The following VWA2 variants were observed in gnomAD, a reference collection of about 807,000 sequenced individuals.
VWA2 encodes the protein von Willebrand factor A domain-containing protein 2.
A neutral mutation model predicts 70.4 loss-of-function variants in VWA2; 73 were observed. The observed-to-expected ratio is 1.04, with a 90% CI of 0.86 to 1.26. The LOEUF (loss-of-function observed/expected upper bound fraction) is 1.26, where lower values mean the gene tolerates loss of function less well. VWA2 is among the 50% of genes most tolerant of loss of function. VWA2 has a pLI of 0.00. For synonymous variants in VWA2, 407 were observed against 423.3 expected, an observed-to-expected ratio of 0.96 and a Z score of 0.47; for missense variants, 1,011 against 998.5, an observed-to-expected ratio of 1.01 and a Z score of -0.17.
chr10:114,278,930 G>A, intron 8 of VWA2, 79 bp downstream of exon 8: 3 of 1,581,738 alleles, frequency 1.9e-6, no homozygotes, highest in Non-Finnish European at 2.6e-6. Flanking sequence ...ATAGTACTTT[G>A]GGGCCCTGCC....
intron 2 of VWA2, 136 bp from the exon 3 acceptor site, chr10:114,253,515 G>T: frequency 1.4e-6 from 1 of 726,368 alleles, no homozygotes; most frequent in South Asian, 1.8e-5. Flanking sequence ...GGTAATTTTT[G>T]AGATGCAAGA....
chr10:114,253,769 C>T (rs2037259465), intron 3 of VWA2, 44 bp downstream of exon 3: 20 of 1,541,872 alleles, frequency 1.3e-5, no homozygotes, highest in Non-Finnish European at 1.7e-5. Flanking sequence ...CCACTCAGAC[C>T]TCTGTGTGAT....
At chr10:114,288,905 C>T (rs1261391238) in intron 11 of VWA2, 33 bp from the exon 12 acceptor site, 17 of 1,571,372 alleles carry the variant, frequency 1.1e-5, no homozygotes, top group African/African-American at 4.0e-5. Flanking sequence ...ACTGGCACAT[C>T]CACTGCTGAA....
chr10:114,266,487 A>G (rs1157657510), intron 5 of VWA2, among the ~76,000 whole-genome samples: 2 of 152,178 alleles, frequency 1.3e-5, no homozygotes, highest in African/African-American at 2.4e-5. Flanking sequence ...AACCCAGGAC[A>G]CTTGCCTTTC....
chr10:114,276,771 G>A (rs940370855), intron 6 of VWA2, among the ~76,000 whole-genome samples: 2 of 147,572 alleles, frequency 1.4e-5, no homozygotes, highest in Admixed American at 1.4e-4. Flanking sequence ...CTCCCGCCTC[G>A]GCCTCCCAAA....
intron 8 of VWA2, among the ~76,000 whole-genome samples, chr10:114,279,592 A>G (rs528768600): frequency 3.9e-4 from 60 of 152,334 alleles, no homozygotes; most frequent in African/African-American, 1.3e-3. Flanking sequence ...TTCTCTGGGA[A>G]AGGCCAGCCC....
intron 13 of VWA2, 37 bp downstream of exon 13, chr10:114,290,402 G>C (rs2039460108): frequency 6.5e-7 from 1 of 1,547,952 alleles, no homozygotes; most frequent in Non-Finnish European, 8.7e-7. Context: ...GTGAGCCAGG[G>C]ATGGTATTGC....
rs2133776596 is a variant in VWA2 at position 114,292,956 on chromosome 10, CT to C, written c.*1721del. Among the ~76,000 whole-genome samples the C allele has an allele frequency of 6.6e-6, 1 of 152,328 alleles. No individual in the cohort carries two copies. Among genetic ancestry groups the C allele is most frequent in the Admixed American group, 6.5e-5 (1 of 15,308 alleles). ...TTCTGACCTCAGGTGATCCCCCTGC[CT>C]TGGCCTCCCAAAGTTCTGGGATTAC... On this transcript the variant is annotated 3_prime_UTR_variant, in exon 14 of 14. Coordinates refer to ENST00000392982, the MANE Select transcript of VWA2 (RefSeq NM_001272046.2).
Position 114,284,876 on chromosome 10 carries a change from G to C in VWA2, c.903G>C (p.Ser301=), listed in dbSNP as rs747532257. The C allele has an allele frequency of 5.0e-6, 8 of 1,608,136 alleles. No individual in the cohort carries two copies. Among genetic ancestry groups the C allele is most frequent in the Non-Finnish European group, 1.7e-6 (2 of 1,177,906 alleles). The change falls in exon 10 of 14, where the codon TCG becomes TCC. Residue 301 remains serine, a synonymous_variant. Coordinates refer to ENST00000392982, the MANE Select transcript of VWA2 (RefSeq NM_001272046.2). The part of the protein sequence containing the change: ...YRTTCPGPCD[S]QPCQNGGTCV... ...TCTCTCTGATAGGCCCCTGTGACTC[G>C]CAGCCCTGCCAGAATGGAGGCACAT...
rs770616702 is a variant in VWA2, at chr10:114,261,166, C to T, written c.262-20C>T. ...TTGACTCCAGTCTCGGGGCCCTGAG[C>T]CCCCTGTCTCCTACTGCAGGTCAGA... On this transcript the variant is annotated intron_variant, in intron 4 of 13. Coordinates refer to ENST00000392982, the MANE Select transcript of VWA2 (RefSeq NM_001272046.2). 13 of 1,578,828 alleles carry T rather than the reference C, an allele frequency of 8.2e-6. No homozygotes were observed. The South Asian group carries it at 1.3e-4, about 16-fold the overall frequency.
intron 1 of VWA2, chr10:114,246,446 A>C (rs2037070625): frequency 1.6e-6 from 1 of 619,280 alleles, no homozygotes; most frequent in African/African-American, 1.9e-5. Context: ...GGTAGCAGTG[A>C]GCCAAGACCA....
intron 2 of VWA2, among the ~76,000 whole-genome samples, chr10:114,249,537 T>A (rs1226280000): frequency 6.6e-6 from 1 of 152,226 alleles, no homozygotes; most frequent in Non-Finnish European, 1.5e-5. Flanking sequence ...ATTACAGGCA[T>A]GAGCCACTGC....
rs780772979 is a variant in VWA2 at position 114,282,501 on chromosome 10, T to G, written c.834-15T>G. 6.2e-7 allele frequency: 1 copy of G among 1,612,656 alleles called. No homozygotes were observed. Among genetic ancestry groups the G allele is most frequent in the South Asian group, 1.1e-5 (1 of 91,062 alleles). Reference sequence around the variant, plus strand: ...ACCTCTGATCTGTCTATAATTCTGTTTCCTTGGATTGTAGCTGGAAGAGAG... The same window carrying G: ...ACCTCTGATCTGTCTATAATTCTGTGTCCTTGGATTGTAGCTGGAAGAGAG... On this transcript the variant is annotated splice_polypyrimidine_tract_variant and intron_variant, in intron 8 of 13. Coordinates refer to ENST00000392982, the MANE Select transcript of VWA2 (RefSeq NM_001272046.2).
chr10:114,269,095 T>C (rs561720884), intron 5 of VWA2, among the ~76,000 whole-genome samples: 1 of 152,310 alleles, frequency 6.6e-6, no homozygotes, highest in Admixed American at 6.5e-5. Flanking sequence ...GCAGACAGTT[T>C]TCTTGTGGTA....
chr10:114,286,214 G>A lies in VWA2; in HGVS notation c.1273G>A (p.Ala425Thr), dbSNP rs1320197933. Reference protein sequence around the residue: ...FRGGPTLTGSALRQAAERGFG... With the variant: ...FRGGPTLTGSTLRQAAERGFG... ...TGGTGGCCCCACCCTGACGGGCAGT[G>A]CCTTGCGGCAGGCGGCAGAGCGTGG... Residue 425 changes from alanine (A) to threonine (T), a missense_variant, in exon 11 of 14, where the codon GCC becomes ACC. Physicochemically the swap from Ala to Thr is moderately conservative, Grantham distance 58. Coordinates refer to ENST00000392982, the MANE Select transcript of VWA2 (RefSeq NM_001272046.2). 6.2e-7 allele frequency: 1 copy of A among 1,613,892 alleles called. No individual in the cohort carries two copies. The highest frequency in any genetic ancestry group is 2.2e-5 in the East Asian group (1 of 44,864).
intron 7 of VWA2, among the ~76,000 whole-genome samples, 153 bp from the exon 8 acceptor site, chr10:114,278,566 A>G (rs2037905718): frequency 6.6e-6 from 1 of 152,180 alleles, no homozygotes; most frequent in South Asian, 2.1e-4. Context: ...CTTCACCCAG[A>G]GATATGCCCT....
chr10:114,259,222 GA>G (rs1409341040), intron 4 of VWA2, among the ~76,000 whole-genome samples: 1 of 152,124 alleles, frequency 6.6e-6, no homozygotes, highest in African/African-American at 2.4e-5. Context: ...AATGGATGGG[GA>G]AAAATGCTAT....
At chr10:114,287,976 A>G (rs1197891469) in intron 11 of VWA2, among the ~76,000 whole-genome samples, 1 of 152,182 alleles carries the variant, frequency 6.6e-6, no homozygotes, top group Admixed American at 6.5e-5. Context: ...AGTTTCTCAG[A>G]CGTTCCTGGT....
At chr10:114,245,015 G>A (rs1003655652) in intron 1 of VWA2, among the ~76,000 whole-genome samples, 2 of 152,196 alleles carry the variant, frequency 1.3e-5, no homozygotes, top group African/African-American at 2.4e-5. Context: ...CAAGACAAAC[G>A]TATCACTGGG....
Sources: gnomAD v4.1 joint callset for allele counts (sites outside exome capture counted in the v4.1 genomes callset) on GRCh38, gnomAD v4.1.1 for gene constraint, MANE v1.5 for transcripts, NCBI Gene and HGNC (gene_info 2026-07-23, HGNC 2026-07-21) for gene names.